The following HS3ST2 variants were observed in gnomAD, a reference collection of about 807,000 sequenced individuals.
The protein encoded by HS3ST2 is heparan sulfate-glucosamine 3-sulfotransferase 2.
A neutral mutation model predicts 26.3 loss-of-function variants in HS3ST2; 17 were observed. That is an observed-to-expected ratio of 0.65 (90% confidence interval 0.44 to 0.97). The LOEUF is 0.97. HS3ST2 is among the 50% of genes least tolerant of loss of function. HS3ST2 has a pLI of 0.00. For synonymous variants in HS3ST2, 237 were observed against 219.2 expected (o/e 1.08, Z -0.72); for missense variants, 402 against 501.2 (o/e 0.80, Z 1.89).
chr16:22,915,106 G>C lies in HS3ST2; in HGVS notation c.648G>C (p.Thr216=), dbSNP rs771188795. The change falls in exon 2 of 2, where the codon ACG becomes ACC. Residue 216 remains threonine, a synonymous_variant. Coordinates refer to ENST00000261374, the MANE Select transcript of HS3ST2 (RefSeq NM_006043.2). ...TGACCCGTGCCATCTCTGATTACAC[G>C]CAGACACTCTCCAAGAAGCCCGACA... The part of the protein sequence containing the change: ...NPVTRAISDY[T]QTLSKKPDIP... 1.9e-6 allele frequency: 3 copies of C among 1,613,930 alleles called. No homozygotes were observed. The highest frequency in any genetic ancestry group is 2.5e-6 in the Non-Finnish European group (3 of 1,180,006).
chr16:22,902,014 C>T (rs899439111), intron 1 of HS3ST2, among the ~76,000 whole-genome samples: 1 of 152,150 alleles, frequency 6.6e-6, no homozygotes, highest in Admixed American at 6.5e-5. Context: ...CCCAGATCCC[C>T]CAAGGTTATT....
chr16:22,847,801 G>C (rs887033764), intron 1 of HS3ST2, among the ~76,000 whole-genome samples: 1 of 148,966 alleles, frequency 6.7e-6, no homozygotes, highest in Non-Finnish European at 1.5e-5. Context: ...ATAAGAAAGA[G>C]GAGAAGGAGG....
intron 1 of HS3ST2, among the ~76,000 whole-genome samples, chr16:22,816,504 T>A (rs1440539079): frequency 6.6e-6 from 1 of 152,170 alleles, no homozygotes; most frequent in East Asian, 1.9e-4. Flanking sequence ...TCATGCATCA[T>A]CCTTAGCAGG....
At chr16:22,874,842 G>A (rs897026661) in intron 1 of HS3ST2, among the ~76,000 whole-genome samples, 13 of 152,218 alleles carry the variant, frequency 8.5e-5, no homozygotes, top group East Asian at 5.8e-4. Context: ...CTCTCCCAGA[G>A]CTGAGTTGAT....
intron 1 of HS3ST2, among the ~76,000 whole-genome samples, chr16:22,877,399 C>A (rs1473134028): frequency 6.6e-6 from 1 of 152,222 alleles, no homozygotes; most frequent in Non-Finnish European, 1.5e-5. Flanking sequence ...AATTTGCCAA[C>A]TAGTTGACTC....
chr16:22,849,102 C>T (rs566934076), intron 1 of HS3ST2, among the ~76,000 whole-genome samples: 4 of 152,092 alleles, frequency 2.6e-5, no homozygotes, highest in South Asian at 4.2e-4. Context: ...AATGATCTTC[C>T]GTGTGGCATG....
chr16:22,833,925 G>C (rs1901212379), intron 1 of HS3ST2, among the ~76,000 whole-genome samples: 1 of 150,456 alleles, frequency 6.6e-6, no homozygotes, highest in Admixed American at 6.6e-5. Flanking sequence ...ATATTGTTCA[G>C]CTAAAAAAAC....
intron 1 of HS3ST2, among the ~76,000 whole-genome samples, chr16:22,837,182 A>C (rs2141180441): frequency 6.6e-6 from 1 of 151,422 alleles, no homozygotes; most frequent in East Asian, 1.9e-4. Flanking sequence ...TCCTGAGTTC[A>C]ACTCTCTGCT....
chr16:22,878,610 C>CAA (rs149361761), intron 1 of HS3ST2, among the ~76,000 whole-genome samples: 43 of 149,184 alleles, frequency 2.9e-4, no homozygotes, highest in African/African-American at 8.6e-4. Flanking sequence ...CTAACAGGGT[C>CAA]AAAAAAAAAG....
chr16:22,914,206 T>A, intron 1 of HS3ST2, among the ~76,000 whole-genome samples: 1 of 152,132 alleles, frequency 6.6e-6, no homozygotes, highest in South Asian at 2.1e-4. Context: ...ACCTCAAGTT[T>A]CCTCCCTAGA....
intron 1 of HS3ST2, among the ~76,000 whole-genome samples, chr16:22,832,745 T>G (rs1901192572): frequency 1.4e-5 from 2 of 147,954 alleles, no homozygotes; most frequent in African/African-American, 5.0e-5. Flanking sequence ...GGATACGAGA[T>G]GAGGAAAGAT....
rs141208824 is a variant in HS3ST2, at chr16:22,852,153, A to G, written c.485+37058A>G. The stretch of plus-strand genomic sequence containing the variant: ...GATGTTATGGGCATCTAGTGGATAG[A>G]GGTTACTTCTAAACAATACAGTGAG... On this transcript the variant is annotated intron_variant, in intron 1 of 1. Coordinates refer to ENST00000261374, the MANE Select transcript of HS3ST2 (RefSeq NM_006043.2). 3.3e-5 allele frequency among the ~76,000 whole-genome samples: 5 copies of G among 152,264 alleles called. 1 individual carries two copies. The East Asian group carries it at 9.7e-4, about 29-fold the overall frequency.
At chr16:22,868,004 G>A (rs1213291184) in intron 1 of HS3ST2, among the ~76,000 whole-genome samples, 2 of 152,176 alleles carry the variant, frequency 1.3e-5, no homozygotes, top group Non-Finnish European at 2.9e-5. Context: ...ATATGATCAA[G>A]TTTTAAAAGG....
chr16:22,814,707 C>T lies in HS3ST2; in HGVS notation c.97C>T (p.Leu33=), dbSNP rs149200580. 34 of 1,608,774 alleles carry T rather than the reference C, an allele frequency of 2.1e-5. No homozygotes were observed. Among genetic ancestry groups the T allele is most frequent in the Middle Eastern group, 1.7e-4 (1 of 6,046 alleles). ...AFTLSLSCTY[L]CYSFLCCCDD... ...CACGCTCTCGCTCTCCTGCACTTACCTGTGTTACAGCTTCCTGTGCTGCTG... is the reference window on the plus strand; with the variant it reads ...CACGCTCTCGCTCTCCTGCACTTACTTGTGTTACAGCTTCCTGTGCTGCTG... Residue 33 remains leucine (L), a synonymous_variant, in exon 1 of 2, where the codon CTG becomes TTG. Transcript: ENST00000261374.
At chr16:22,849,018 T>C (rs1596613401) in intron 1 of HS3ST2, among the ~76,000 whole-genome samples, 1 of 152,346 alleles carries the variant, frequency 6.6e-6, no homozygotes, top group African/African-American at 2.4e-5. Flanking sequence ...GTTTGGACAA[T>C]GAAACTGACT....
At chr16:22,862,088 C>T (rs2141189647) in intron 1 of HS3ST2, among the ~76,000 whole-genome samples, 1 of 152,314 alleles carries the variant, frequency 6.6e-6, no homozygotes, top group Non-Finnish European at 1.5e-5. Flanking sequence ...TTCTCTGGTT[C>T]ATTTACAGCT....
At chr16:22,834,853 T>G (rs1000099504) in intron 1 of HS3ST2, among the ~76,000 whole-genome samples, 1 of 152,124 alleles carries the variant, frequency 6.6e-6, no homozygotes, top group African/African-American at 2.4e-5. Flanking sequence ...GCATGAAAAC[T>G]ATCTCCTTTT....
At chr16:22,825,644 G>A (rs1253228320) in intron 1 of HS3ST2, among the ~76,000 whole-genome samples, 1 of 152,048 alleles carries the variant, frequency 6.6e-6, no homozygotes, top group African/African-American at 2.4e-5. Context: ...TTTGGTTGGG[G>A]GCTAATAAGG....
chr16:22,830,652 T>C (rs757013255), intron 1 of HS3ST2, among the ~76,000 whole-genome samples: 9 of 152,204 alleles, frequency 5.9e-5, no homozygotes, highest in African/African-American at 7.2e-5. Context: ...GCATGAACCC[T>C]TGGTGGAAGA....
Sources: gnomAD v4.1 joint callset for allele counts (sites outside exome capture counted in the v4.1 genomes callset) on GRCh38, gnomAD v4.1.1 for gene constraint, MANE v1.5 for transcripts, NCBI Gene and HGNC (gene_info 2026-07-23, HGNC 2026-07-21) for gene names.